Variants in PLXNA4 observed in about 807,000 individuals in gnomAD.
PLXNA4 encodes the protein plexin A4, also known as plexin-A4.
Under a neutral mutation model 191.8 loss-of-function variants are expected in PLXNA4, and 44 were observed. The ratio of observed to expected loss-of-function variants is 0.23; its 90% CI spans 0.18 to 0.29. The LOEUF (loss-of-function observed/expected upper bound fraction) is 0.29, where lower values mean the gene tolerates loss of function less well. Ranked by LOEUF, PLXNA4 falls within the 10% of genes least tolerant of loss-of-function variation. The pLI is 1.00. For missense variants in PLXNA4, 1,800 were observed against 2,488.8 expected, an observed-to-expected ratio of 0.72 and a Z score of 5.89; for synonymous variants, 1,082 against 1,009.5, an observed-to-expected ratio of 1.07 and a Z score of -1.36.
chr7:132,349,801 C>A lies in PLXNA4; in HGVS notation c.1372-51579G>T, dbSNP rs574757635. Among the ~76,000 whole-genome samples, 57 of 152,226 alleles carry A rather than the reference C, an allele frequency of 3.7e-4. 2 individuals are homozygous for A. The highest frequency in any genetic ancestry group is 1.4e-3 in the African/African-American group (57 of 41,534). ...CTTATTAATAAAAAAAAATAAAACT[C>A]CAATTTCTGTATCTTGCCATCAAAT... On this transcript the variant is annotated intron_variant, in intron 3 of 31. Coordinates refer to ENST00000321063, the MANE Select transcript of PLXNA4 (RefSeq NM_020911.2).
intron 1 of PLXNA4, among the ~76,000 whole-genome samples, chr7:132,565,902 G>A (rs1188270371): frequency 2.6e-5 from 4 of 152,186 alleles, no homozygotes; most frequent in African/African-American, 4.8e-5. Flanking sequence ...AGTCAAGAGC[G>A]ACAGAGCTCC....
chr7:132,610,588 T>C (rs1044201455), intron 2 of PLXNA4, among the ~76,000 whole-genome samples: 14 of 152,246 alleles, frequency 9.2e-5, no homozygotes, highest in African/African-American at 3.1e-4. Context: ...TGCAGCAACC[T>C]GCCCTAACAT....
chr7:132,175,830 G>T (rs1281385335), intron 20 of PLXNA4, among the ~76,000 whole-genome samples: 1 of 152,200 alleles, frequency 6.6e-6, no homozygotes, highest in East Asian at 1.9e-4. Flanking sequence ...CATGCACATG[G>T]ACCACCAGGA....
At chr7:132,499,481 A>G (rs571193300) in intron 2 of PLXNA4, among the ~76,000 whole-genome samples, 1 of 152,380 alleles carries the variant, frequency 6.6e-6, no homozygotes, top group South Asian at 2.1e-4. Flanking sequence ...TTAGCTCCAG[A>G]GAACCCCAGT....
At chr7:132,274,266 G>GTATA (rs548956261) in intron 4 of PLXNA4, among the ~76,000 whole-genome samples, 46 of 147,168 alleles carry the variant, frequency 3.1e-4, no homozygotes, top group South Asian at 2.8e-3. Flanking sequence ...ACGCTAATAT[G>GTATA]TATATATATA....
In PLXNA4 at chr7:132,505,787, G is replaced by A. The variant is rs149141826; in HGVS notation, c.1188+1719C>T. Reference sequence around the variant, plus strand: ...CAGACCCATGTTTGAGTGTCTAATAGACATGTCCAGAACAGCCTCTGTCAT... The same window carrying A: ...CAGACCCATGTTTGAGTGTCTAATAAACATGTCCAGAACAGCCTCTGTCAT... On this transcript the variant is annotated intron_variant, in intron 2 of 31. Transcript: ENST00000321063. 7.1e-3 allele frequency among the ~76,000 whole-genome samples: 1,084 copies of A among 152,240 alleles called. 16 individuals carry two copies. Among genetic ancestry groups the A allele is most frequent in the African/African-American group, 0.024 (991 of 41,542 alleles).
At chr7:132,150,307 A>G (rs565242103) in intron 25 of PLXNA4, among the ~76,000 whole-genome samples, 1 of 151,996 alleles carries the variant, frequency 6.6e-6, no homozygotes, top group Non-Finnish European at 1.5e-5. Context: ...TATTTTATGG[A>G]GGTATGCATG....
At chr7:132,482,090 C>T (rs923663260) in intron 3 of PLXNA4, among the ~76,000 whole-genome samples, 15 of 152,246 alleles carry the variant, frequency 9.9e-5, no homozygotes, top group African/African-American at 3.1e-4. Context: ...GGCTGAGAAA[C>T]AAAGCCCTCA....
chr7:132,525,231 A>C (rs765901265), intron 1 of PLXNA4, among the ~76,000 whole-genome samples: 3 of 152,148 alleles, frequency 2.0e-5, no homozygotes, highest in African/African-American at 4.8e-5. Context: ...TCATGTGGTA[A>C]CATGTAGACA....
intron 2 of PLXNA4, among the ~76,000 whole-genome samples, chr7:132,626,670 A>C (rs1803381340): frequency 6.6e-6 from 1 of 152,204 alleles, no homozygotes; most frequent in African/African-American, 2.4e-5. Context: ...AAGACTGCAG[A>C]ACCATGAGCC....
At chr7:132,515,624 C>A (rs114900937) in intron 1 of PLXNA4, among the ~76,000 whole-genome samples, 1 of 152,162 alleles carries the variant, frequency 6.6e-6, no homozygotes, top group Non-Finnish European at 1.5e-5. Flanking sequence ...AGGTGATGTT[C>A]GAACGTGTGT....
intron 4 of PLXNA4, 28 bp from the exon 5 acceptor site, chr7:132,241,194 G>A (rs1798865409): frequency 3.2e-6 from 5 of 1,568,192 alleles, no homozygotes; most frequent in Non-Finnish European, 3.5e-6. Context: ...GGAGAAGGTG[G>A]TCAAGATTTT....
chr7:132,188,995 AGAGAG>A (rs1253949781), intron 14 of PLXNA4, among the ~76,000 whole-genome samples: 1 of 26,802 alleles, frequency 3.7e-5, no homozygotes, highest in Non-Finnish European at 7.7e-5. Flanking sequence ...AAAGGAAAGG[AGAGAG>A]AGAGAGAGAG....
chr7:132,403,211 T>C (rs1794068072), intron 3 of PLXNA4, among the ~76,000 whole-genome samples: 1 of 152,216 alleles, frequency 6.6e-6, no homozygotes, highest in Non-Finnish European at 1.5e-5. Context: ...ACGCCTGCTA[T>C]GCCTGGTCCA....
At chr7:132,165,769 G>C (rs1367540814) in intron 22 of PLXNA4, among the ~76,000 whole-genome samples, 1 of 151,828 alleles carries the variant, frequency 6.6e-6, no homozygotes, top group African/African-American at 2.4e-5. Context: ...CAGGGAATAG[G>C]AATAAAGGTG....
intron 6 of PLXNA4, 136 bp from the exon 7 acceptor site, chr7:132,227,740 GGAGAA>G: frequency 8.7e-7 from 1 of 1,149,422 alleles, no homozygotes; most frequent in South Asian, 1.5e-5. Flanking sequence ...ATATTAACAT[GGAGAA>G]GAGACTCAGG....
chr7:132,272,581 C>A (rs1440904459), intron 4 of PLXNA4, among the ~76,000 whole-genome samples: 3 of 152,170 alleles, frequency 2.0e-5, no homozygotes, highest in Non-Finnish European at 4.4e-5. Flanking sequence ...TGGTCTCTTT[C>A]ATTTATAGAG....
At chr7:132,382,561 A>G (rs919898391) in intron 3 of PLXNA4, among the ~76,000 whole-genome samples, 1 of 152,190 alleles carries the variant, frequency 6.6e-6, no homozygotes, top group African/African-American at 2.4e-5. Context: ...TTTTAGTGAA[A>G]GGATCAAGAT....
intron 30 of PLXNA4, among the ~76,000 whole-genome samples, chr7:132,139,238 C>A (rs1795198786): frequency 6.6e-6 from 1 of 152,156 alleles, no homozygotes; most frequent in African/African-American, 2.4e-5. Flanking sequence ...GAGGGAAAAA[C>A]AAAATCAAAC....
Sources: gnomAD v4.1 joint callset for allele counts (sites outside exome capture counted in the v4.1 genomes callset) on GRCh38, gnomAD v4.1.1 for gene constraint, MANE v1.5 for transcripts, NCBI Gene and HGNC (gene_info 2026-07-23, HGNC 2026-07-21) for gene names.